AR: variants seen among roughly 807,000 people sequenced by gnomAD.
AR encodes the protein androgen receptor, also known as dihydrotestosterone receptor.
A neutral mutation model predicts 53.9 loss-of-function variants in AR; 8 were observed. The ratio of observed to expected loss-of-function variants is 0.15; its 90% CI spans 0.09 to 0.27. The LOEUF (loss-of-function observed/expected upper bound fraction) is 0.27. Among genes scored for constraint, AR ranks in the 10% least tolerant of loss-of-function variants. The probability of loss-of-function intolerance (pLI) is 1.00; values close to 1 mark genes in which losing one functional copy is unlikely to be tolerated. For synonymous variants in AR, 359 were observed against 316.4 expected (o/e 1.13, Z -1.43); for missense variants, 639 against 742.5 (o/e 0.86, Z 1.62).
chrX:67,552,149 C>T (rs1016111399), intron 1 of AR, among the ~76,000 whole-genome samples: 2 of 111,729 alleles, frequency 1.8e-5, no homozygotes, highest in African/African-American at 3.3e-5. Flanking sequence ...TTAATCACCC[C>T]CAAAGGAAAC....
At chrX:67,685,281 G>T (rs908687665) in intron 2 of AR, among the ~76,000 whole-genome samples, 15 of 111,750 alleles carry the variant, frequency 1.3e-4, no homozygotes, top group Non-Finnish European at 2.3e-4. Context: ...TGTTTGAGCA[G>T]CTGTAATTCT....
chrX:67,552,225 A>G lies in AR; in HGVS notation c.1616+5463A>G, dbSNP rs1004994194. On this transcript the variant is annotated intron_variant, in intron 1 of 7. Transcript: ENST00000374690. Reference sequence around the variant, plus strand: ...CCTTAGCAACCAATAATCTACTTCTATCTATGGATGTGCTTATTCTAACAT... The same window carrying G: ...CCTTAGCAACCAATAATCTACTTCTGTCTATGGATGTGCTTATTCTAACAT... Among the ~76,000 whole-genome samples, 4 of 112,023 alleles carry G rather than the reference A, an allele frequency of 3.6e-5. No homozygotes were observed. The Admixed American group carries it at 3.8e-4, about 11-fold the overall frequency.
intron 1 of AR, among the ~76,000 whole-genome samples, chrX:67,609,896 G>T (rs2147385330): frequency 8.9e-6 from 1 of 111,825 alleles, no homozygotes; most frequent in East Asian, 2.8e-4. Context: ...CATAAAATAG[G>T]TGAAAATTAA....
chrX:67,653,865 G>C (rs930407627), intron 2 of AR, among the ~76,000 whole-genome samples: 2 of 111,375 alleles, frequency 1.8e-5, no homozygotes, highest in Non-Finnish European at 3.8e-5. Context: ...CAGTAACATG[G>C]TTGTATTAAA....
At chrX:67,651,371 C>T (rs1926336534) in intron 2 of AR, among the ~76,000 whole-genome samples, 1 of 110,964 alleles carries the variant, frequency 9.0e-6, no homozygotes, top group African/African-American at 3.3e-5. Flanking sequence ...GATGAAAGGC[C>T]ACCCTATCTG....
rs571209658 is a variant in AR at position 67,546,273 on chromosome X, C to T, written c.1127C>T (p.Pro376Leu). ...NFPLALAGPP[P>L]PPPPPHPHAR... ...CCACTGGCTCTGGCCGGACCGCCGC[C>T]CCCTCCGCCGCCTCCCCATCCCCAC... Residue 376 changes from proline (P) to leucine (L), a missense_variant, in exon 1 of 8, where the codon CCC becomes CTC. Transcript: ENST00000374690. 1.4e-5 allele frequency: 17 copies of T among 1,206,057 alleles called. No homozygotes were observed. Among genetic ancestry groups the T allele is most frequent in the Non-Finnish European group, 1.8e-5 (16 of 892,936 alleles).
chrX:67,551,645 T>A (rs1930002933), intron 1 of AR, among the ~76,000 whole-genome samples: 1 of 111,945 alleles, frequency 8.9e-6, no homozygotes, highest in African/African-American at 3.3e-5. Context: ...GTGATTACCC[T>A]TTTGCTAGGT....
At chrX:67,608,252 C>G (rs1410351874) in intron 1 of AR, among the ~76,000 whole-genome samples, 1 of 112,007 alleles carries the variant, frequency 8.9e-6, no homozygotes, top group Non-Finnish European at 1.9e-5. Context: ...GGTGCGAATT[C>G]AAAGCAGTTC....
chrX:67,567,941 T>C (rs1001419213), intron 1 of AR, among the ~76,000 whole-genome samples: 3 of 111,454 alleles, frequency 2.7e-5, no homozygotes, highest in African/African-American at 9.8e-5. Flanking sequence ...GGTTTTCCCT[T>C]GTACCAGCAA....
chrX:67,669,625 G>A (rs12007513), intron 2 of AR, among the ~76,000 whole-genome samples: 7,670 of 110,961 alleles, frequency 0.069, 669 homozygotes, highest in African/African-American at 0.24. Context: ...GATCTCTTCA[G>A]TGCTGAAAGT....
At chrX:67,604,562 A>G (rs1172553681) in intron 1 of AR, among the ~76,000 whole-genome samples, 1 of 110,940 alleles carries the variant, frequency 9.0e-6, no homozygotes, top group Non-Finnish European at 1.9e-5. Flanking sequence ...CATTTATAGG[A>G]TGGTAGGATT....
chrX:67,672,862 G>C (rs964541504), intron 2 of AR, among the ~76,000 whole-genome samples: 1 of 111,203 alleles, frequency 9.0e-6, no homozygotes, highest in African/African-American at 3.3e-5. Context: ...TGTATTTTCA[G>C]ATAATTTGTT....
intron 2 of AR, among the ~76,000 whole-genome samples, chrX:67,684,752 G>A (rs1287476861): frequency 8.9e-6 from 1 of 111,971 alleles, no homozygotes. Flanking sequence ...GGTTACTACT[G>A]AACCTACTAC....
At chrX:67,638,736 A>G (rs1291257221) in intron 1 of AR, among the ~76,000 whole-genome samples, 1 of 111,993 alleles carries the variant, frequency 8.9e-6, no homozygotes, top group Non-Finnish European at 1.9e-5. Flanking sequence ...ACCTTTCGTC[A>G]GATGGATAGA....
chrX:67,554,051 G>A (rs996649268), intron 1 of AR, among the ~76,000 whole-genome samples: 1 of 111,918 alleles, frequency 8.9e-6, no homozygotes, highest in Non-Finnish European at 1.9e-5. Context: ...CTATAAATTC[G>A]AACTGGTAAT....
intron 2 of AR, among the ~76,000 whole-genome samples, chrX:67,661,267 A>C (rs1290710888): frequency 2.7e-5 from 3 of 110,898 alleles, no homozygotes; most frequent in Non-Finnish European, 5.7e-5. Flanking sequence ...AGGAGTGGTG[A>C]GAGAGGGCAT....
chrX:67,678,135 C>A (rs918556002), intron 2 of AR, among the ~76,000 whole-genome samples: 1 of 110,295 alleles, frequency 9.1e-6, no homozygotes, highest in African/African-American at 3.3e-5. Flanking sequence ...TTCCACAAAG[C>A]CCTGGGGTGG....
intron 1 of AR, among the ~76,000 whole-genome samples, chrX:67,638,608 C>T (rs1043111608): frequency 2.7e-5 from 3 of 112,219 alleles, no homozygotes; most frequent in African/African-American, 9.7e-5. Context: ...TTGTTGACCG[C>T]ATAAATGTCT....
intron 1 of AR, among the ~76,000 whole-genome samples, chrX:67,600,725 G>T (rs1215689612): frequency 1.8e-5 from 2 of 111,164 alleles, no homozygotes; most frequent in Non-Finnish European, 3.8e-5. Context: ...GTAACACAAA[G>T]AATAAATGCT....
Sources: gnomAD v4.1 joint callset for allele counts (sites outside exome capture counted in the v4.1 genomes callset) on GRCh38, gnomAD v4.1.1 for gene constraint, MANE v1.5 for transcripts, NCBI Gene and HGNC (gene_info 2026-07-23, HGNC 2026-07-21) for gene names.